WWOX: variants seen among roughly 807,000 people sequenced by gnomAD.
The protein encoded by WWOX is WW domain containing oxidoreductase.
WWOX carries 69 observed loss-of-function variants against 46.2 expected under a neutral mutation model. The observed-to-expected ratio is 1.49, with a 90% CI of 1.23 to 1.82. The LOEUF is 1.82. Ranked by LOEUF, WWOX falls within the 40% of genes most tolerant of loss-of-function variation. WWOX has a pLI of 0.00. For synonymous variants in WWOX, 359 were observed against 202.6 expected, an observed-to-expected ratio of 1.77 and a Z score of -6.56; for missense variants, 919 against 542.6, an observed-to-expected ratio of 1.69 and a Z score of -6.89.
At chr16:78,403,488 T>G (rs1435777065) in intron 6 of WWOX, among the ~76,000 whole-genome samples, 2 of 152,198 alleles carry the variant, frequency 1.3e-5, no homozygotes, top group Non-Finnish European at 2.9e-5. Flanking sequence ...CTACGAAATA[T>G]AATGTTAATT....
intron 8 of WWOX, among the ~76,000 whole-genome samples, chr16:78,586,000 C>T (rs149979253): frequency 1.4e-3 from 215 of 152,026 alleles, no homozygotes; most frequent in South Asian, 4.6e-3. Flanking sequence ...AGGTTAGAGA[C>T]CAGCCTGGGC....
chr16:79,120,207 G>C (rs1013257830), intron 8 of WWOX, among the ~76,000 whole-genome samples: 7 of 152,166 alleles, frequency 4.6e-5, no homozygotes, highest in African/African-American at 7.2e-5. Context: ...GTTCCTCATA[G>C]ACAGGGAATG....
intron 8 of WWOX, among the ~76,000 whole-genome samples, chr16:78,953,704 A>C (rs1036967431): frequency 6.6e-6 from 1 of 152,140 alleles, no homozygotes; most frequent in East Asian, 1.9e-4. Context: ...AAGAGAGTGC[A>C]TGCATGAATG....
intron 8 of WWOX, among the ~76,000 whole-genome samples, chr16:78,829,083 G>A (rs2051740013): frequency 7.1e-6 from 1 of 140,534 alleles, no homozygotes. Flanking sequence ...GGGTCCATCT[G>A]GAAGATGGAT....
chr16:78,637,073 T>G (rs909985956), intron 8 of WWOX, among the ~76,000 whole-genome samples: 5 of 152,212 alleles, frequency 3.3e-5, no homozygotes, highest in African/African-American at 1.2e-4. Context: ...TGTGGACTAA[T>G]GAAAAATAAA....
intron 8 of WWOX, among the ~76,000 whole-genome samples, chr16:79,035,029 A>C (rs1489118596): frequency 6.6e-6 from 1 of 152,230 alleles, no homozygotes; most frequent in Non-Finnish European, 1.5e-5. Context: ...TGACTCTTTT[A>C]ACTTGTCAAC....
At chr16:79,031,369 C>T (rs1008282130) in intron 8 of WWOX, among the ~76,000 whole-genome samples, 1 of 152,084 alleles carries the variant, frequency 6.6e-6, no homozygotes. Flanking sequence ...CAGCTCCTGC[C>T]TCCTTCTTTT....
At chr16:78,389,723 C>T (rs572010463) in intron 6 of WWOX, among the ~76,000 whole-genome samples, 18 of 151,970 alleles carry the variant, frequency 1.2e-4, no homozygotes, top group South Asian at 2.1e-4. Flanking sequence ...ACTTGACCAC[C>T]GTACTATACT....
At chr16:78,150,121 C>G (rs916575923) in intron 4 of WWOX, among the ~76,000 whole-genome samples, 2 of 152,134 alleles carry the variant, frequency 1.3e-5, no homozygotes, top group African/African-American at 4.8e-5. Flanking sequence ...TCACTGGCTA[C>G]AAATTGGGGT....
chr16:78,901,410 C>G (rs1200940494), intron 8 of WWOX, among the ~76,000 whole-genome samples: 3 of 152,088 alleles, frequency 2.0e-5, no homozygotes, highest in African/African-American at 4.8e-5. Context: ...TTTTCCTGTT[C>G]TTTTCCCTCT....
chr16:78,953,597 G>T (rs533018050), intron 8 of WWOX, among the ~76,000 whole-genome samples: 1 of 152,118 alleles, frequency 6.6e-6, no homozygotes, highest in Non-Finnish European at 1.5e-5. Context: ...CCCCTCCACT[G>T]TTGCCTCAAT....
At chr16:78,961,546 G>A (rs1040262861) in intron 8 of WWOX, among the ~76,000 whole-genome samples, 3 of 152,164 alleles carry the variant, frequency 2.0e-5, no homozygotes, top group South Asian at 4.2e-4. Context: ...ATAGATGGAT[G>A]TATGGATGGG....
chr16:78,522,291 A>C (rs2043365760), intron 8 of WWOX, among the ~76,000 whole-genome samples: 1 of 152,320 alleles, frequency 6.6e-6, no homozygotes, highest in East Asian at 1.9e-4. Flanking sequence ...TAGTGAAATC[A>C]AGACACCATT....
chr16:78,927,073 G>C (rs137926517), intron 8 of WWOX, among the ~76,000 whole-genome samples: 1 of 152,254 alleles, frequency 6.6e-6, no homozygotes, highest in East Asian at 1.9e-4. Context: ...TGGAATTATA[G>C]GCATGAGCCA....
chr16:78,973,025 C>T (rs1231715691), intron 8 of WWOX, among the ~76,000 whole-genome samples: 2 of 152,166 alleles, frequency 1.3e-5, no homozygotes, highest in Non-Finnish European at 2.9e-5. Flanking sequence ...AATTATTTTT[C>T]CTGCAGTTGG....
intron 8 of WWOX, chr16:78,896,712 A>G (rs2044708086): frequency 6.6e-6 from 1 of 151,958 alleles, no homozygotes; most frequent in African/African-American, 2.4e-5. Context: ...GGTCTGTTTT[A>G]CTAATATAAA....
chr16:78,822,095 T>A (rs959627638), intron 8 of WWOX, among the ~76,000 whole-genome samples: 3 of 152,122 alleles, frequency 2.0e-5, no homozygotes, highest in Non-Finnish European at 4.4e-5. Flanking sequence ...CAGACTGACC[T>A]AAACTCCTGG....
intron 5 of WWOX, among the ~76,000 whole-genome samples, chr16:78,259,689 G>A (rs1448390181): frequency 1.3e-5 from 2 of 151,364 alleles, no homozygotes; most frequent in East Asian, 1.9e-4. Context: ...ATAGAAGTGG[G>A]CATTCTAATA....
chr16:78,463,554 T>C (rs2084003785), intron 8 of WWOX, among the ~76,000 whole-genome samples: 1 of 152,214 alleles, frequency 6.6e-6, no homozygotes, highest in Admixed American at 6.5e-5. Flanking sequence ...GGATATGGCT[T>C]ATCAGGATGC....
Sources: allele counts gnomAD v4.1 joint callset (sites outside exome capture counted in the v4.1 genomes callset), GRCh38; gene constraint gnomAD v4.1.1; transcripts MANE v1.5; gene names NCBI Gene and HGNC (gene_info 2026-07-23, HGNC 2026-07-21).